Variants in LIN54 observed in about 807,000 individuals in gnomAD.
LIN54 encodes protein lin-54 homolog.
In LIN54, 9 loss-of-function variants were observed where a neutral mutation model predicts 78.7. That is an observed-to-expected ratio of 0.11 (90% CI 0.07 to 0.20). The LOEUF (loss-of-function observed/expected upper bound fraction) is 0.20, where lower values mean the gene tolerates loss of function less well. Among genes scored for constraint, LIN54 ranks in the 10% least tolerant of loss-of-function variants. The pLI, the probability that LIN54 is intolerant of heterozygous loss-of-function variation, is 1.00. For missense variants in LIN54, 573 were observed against 889.9 expected (o/e 0.64, Z 4.53); for synonymous variants, 269 against 318.4 (o/e 0.84, Z 1.65).
rs185569431 is a variant in LIN54 at position 83,003,783 on chromosome 4, C to T, written c.-33+6701G>A. ...TCAAGCCATCCACCCACCTCGGCCTCACAGAGTGCTGGAATTACAGGCATG... is the reference window on the plus strand; with the variant it reads ...TCAAGCCATCCACCCACCTCGGCCTTACAGAGTGCTGGAATTACAGGCATG... On this transcript the variant is annotated intron_variant, in intron 1 of 12. Transcript: ENST00000340417. Among the ~76,000 whole-genome samples the T allele has an allele frequency of 7.8e-4, 119 of 152,316 alleles. 2 individuals are homozygous for T. The East Asian group carries it at 0.015, about 20-fold the overall frequency.
At chr4:82,967,507 T>G (rs770214491) in intron 4 of LIN54, among the ~76,000 whole-genome samples, 6 of 152,168 alleles carry the variant, frequency 3.9e-5, no homozygotes, top group Admixed American at 6.5e-5. Context: ...CCACTGGCCA[T>G]GTAGATGCTG....
chr4:83,008,525 G>A (rs1401725187), intron 1 of LIN54, among the ~76,000 whole-genome samples: 1 of 152,092 alleles, frequency 6.6e-6, no homozygotes, highest in Non-Finnish European at 1.5e-5. Context: ...GGTGGCGGGC[G>A]CCTGTAGTCC....
rs776256225 is a variant in LIN54, at chr4:82,939,593, A to G, written c.1386T>C (p.Ala462=). The G allele has an allele frequency of 6.2e-7, 1 of 1,614,020 alleles. No individual in the cohort carries two copies. Among genetic ancestry groups the G allele is most frequent in the South Asian group, 1.1e-5 (1 of 91,086 alleles). The change falls in exon 7 of 13, where the codon GCT becomes GCC. Residue 462 remains alanine, a synonymous_variant. Transcript: ENST00000340417. ...NLPPGTVLAP[A]PGTGNVGYAV... ...CATAACCCACATTCCCTGTTCCCGG[A>G]GCTGGTGCCAGGACAGTGCCTGGTG...
chr4:82,957,773 G>A (rs1163247002), intron 4 of LIN54, among the ~76,000 whole-genome samples: 1 of 152,126 alleles, frequency 6.6e-6, no homozygotes, highest in African/African-American at 2.4e-5. Context: ...ATATGTTTGT[G>A]TAATTATTTG....
At chr4:82,957,243 C>T (rs1038454151) in intron 4 of LIN54, among the ~76,000 whole-genome samples, 1 of 152,132 alleles carries the variant, frequency 6.6e-6, no homozygotes, top group Non-Finnish European at 1.5e-5. Flanking sequence ...CACTTCCTGC[C>T]GGGATATTTG....
chr4:82,978,382 C>A (rs1726341835), intron 3 of LIN54, among the ~76,000 whole-genome samples: 1 of 152,082 alleles, frequency 6.6e-6, no homozygotes, highest in East Asian at 1.9e-4. Flanking sequence ...CAAACAGAAA[C>A]CATGAAATAC....
intron 1 of LIN54, among the ~76,000 whole-genome samples, chr4:83,002,814 T>C (rs1380804360): frequency 6.6e-6 from 1 of 152,242 alleles, no homozygotes; most frequent in African/African-American, 2.4e-5. Flanking sequence ...ATCAACTATG[T>C]ATGTTATCCG....
chr4:82,945,636 G>A (rs1723293880), intron 5 of LIN54, among the ~76,000 whole-genome samples: 1 of 152,120 alleles, frequency 6.6e-6, no homozygotes, highest in South Asian at 2.1e-4. Flanking sequence ...TGGGACTACA[G>A]GCACACACCA....
At chr4:82,947,214 T>TAC (rs1288549512) in intron 4 of LIN54, among the ~76,000 whole-genome samples, 29 of 8,122 alleles carry the variant, frequency 3.6e-3, no homozygotes, top group Non-Finnish European at 8.0e-3. Context: ...AATTTATATA[T>TAC]ATATATATAT....
At position 82,974,076 on chromosome 4, in the gene LIN54, G is replaced by A. The variant is rs535358701; in HGVS notation, c.809-3607C>T. On this transcript the variant is annotated intron_variant, in intron 3 of 12. Coordinates refer to ENST00000340417, the MANE Select transcript of LIN54 (RefSeq NM_194282.4). ...ATACAAAAAATTAGCTGGGTGTGGT[G>A]GCAGGCACCTGTAGTCCCAGCTACT... 1.5e-4 allele frequency among the ~76,000 whole-genome samples: 23 copies of A among 152,148 alleles called. No homozygotes were observed. The East Asian group carries it at 4.1e-3, about 27-fold the overall frequency.
intron 4 of LIN54, among the ~76,000 whole-genome samples, chr4:82,962,412 T>A (rs962006231): frequency 2.6e-5 from 4 of 152,162 alleles, no homozygotes; most frequent in Non-Finnish European, 5.9e-5. Flanking sequence ...GGTATAAACT[T>A]AAAAAAATTT....
At chr4:82,942,856 GCGCGCACACACACACACACACA>G (rs1429775522) in intron 5 of LIN54, among the ~76,000 whole-genome samples, 3 of 147,366 alleles carry the variant, frequency 2.0e-5, no homozygotes, top group South Asian at 2.2e-4. Context: ...GTGCGTGTGC[GCGCGCACACACACACACACACA>G]CACACACACA....
intron 11 of LIN54, among the ~76,000 whole-genome samples, chr4:82,932,188 AG>A (rs1722014931): frequency 7.1e-6 from 1 of 141,108 alleles, no homozygotes; most frequent in Non-Finnish European, 1.5e-5. Context: ...TCCGCCTCCC[AG>A]GTTCACGCCA....
chr4:82,970,607 AACT>A, intron 3 of LIN54, 138 bp from the exon 4 acceptor site: 1 of 732,598 alleles, frequency 1.4e-6, no homozygotes, highest in Non-Finnish European at 2.2e-6. Flanking sequence ...GGCACTAATG[AACT>A]ATGGTAAACC....
intron 5 of LIN54, among the ~76,000 whole-genome samples, chr4:82,943,861 ATTTTTT>A (rs35020887): frequency 1.2e-4 from 15 of 128,388 alleles, no homozygotes; most frequent in African/African-American, 5.0e-4. Context: ...GTCAATACTG[ATTTTTT>A]TTTTTTTTTT....
Position 82,984,884 on chromosome 4 carries a change from A to C in LIN54, c.-32-8T>G. 1 of 1,526,328 alleles carries C rather than the reference A, an allele frequency of 6.6e-7. No individual in the cohort carries two copies. Among genetic ancestry groups the C allele is most frequent in the Non-Finnish European group, 8.8e-7 (1 of 1,139,784 alleles). The allele number at this position is 1,526,328 out of a possible 1,614,324, so 94.5% of individuals were successfully genotyped here. A position where few individuals can be genotyped will look rare whatever the true frequency, so the allele number is the denominator to read the frequency against. ...TAGAAAGTTGATCAGGCACTGTAAT[A>C]AAAGTTGAAAAATGAACAAGTTACT... On this transcript the variant is annotated splice_region_variant and splice_polypyrimidine_tract_variant and intron_variant, in intron 1 of 12. Coordinates refer to ENST00000340417, the MANE Select transcript of LIN54 (RefSeq NM_194282.4).
chr4:82,995,207 G>A (rs1728088277), intron 1 of LIN54, among the ~76,000 whole-genome samples: 1 of 151,968 alleles, frequency 6.6e-6, no homozygotes, highest in African/African-American at 2.4e-5. Flanking sequence ...GGCTGAGACA[G>A]GAGGAAAGTG....
At chr4:82,984,937 T>TA in intron 1 of LIN54, 61 bp from the exon 2 acceptor site, 1 of 1,206,194 alleles carries the variant, frequency 8.3e-7, no homozygotes, top group African/African-American at 1.5e-5. Context: ...AGAAAAAAAT[T>TA]CAAAAAAAAT....
chr4:82,999,049 T>C (rs1415541273), intron 1 of LIN54, among the ~76,000 whole-genome samples: 1 of 152,244 alleles, frequency 6.6e-6, no homozygotes, highest in Non-Finnish European at 1.5e-5. Flanking sequence ...AGCCACCTCC[T>C]GTTGCTACTG....
Sources: allele counts gnomAD v4.1 joint callset (sites outside exome capture counted in the v4.1 genomes callset), GRCh38; gene constraint gnomAD v4.1.1; transcripts MANE v1.5; gene names NCBI Gene and HGNC (gene_info 2026-07-23, HGNC 2026-07-21).